The following WWC1 variants were observed in gnomAD, a reference collection of about 807,000 sequenced individuals.
The protein encoded by WWC1 is WW and C2 domain containing 1.
A neutral mutation model predicts 138.4 loss-of-function variants in WWC1; 55 were observed. The observed-to-expected ratio is 0.40, with a 90% CI of 0.32 to 0.50. WWC1 has a LOEUF of 0.50. Among genes scored for constraint, WWC1 ranks in the 20% least tolerant of loss-of-function variants. WWC1 has a pLI of 0.72. For synonymous variants in WWC1, 524 were observed against 564.9 expected (o/e 0.93, Z 1.03); for missense variants, 1,226 against 1,420.4 (o/e 0.86, Z 2.20).
chr5:168,307,339 A>G (rs1581872303), intron 1 of WWC1, among the ~76,000 whole-genome samples: 1 of 152,280 alleles, frequency 6.6e-6, no homozygotes, highest in East Asian at 1.9e-4. Context: ...GCAACCCCGA[A>G]CTAGTCCTGG....
intron 1 of WWC1, among the ~76,000 whole-genome samples, chr5:168,329,461 T>C (rs1372501578): frequency 5.9e-5 from 9 of 151,844 alleles, no homozygotes; most frequent in Admixed American, 4.6e-4. Context: ...TCTTAACCAG[T>C]GTAAATGTTT....
At chr5:168,463,368 G>T (rs1756983629) in intron 20 of WWC1, among the ~76,000 whole-genome samples, 1 of 152,156 alleles carries the variant, frequency 6.6e-6, no homozygotes, top group Non-Finnish European at 1.5e-5. Flanking sequence ...TGTCAGCTGG[G>T]GGTTTAGGGG....
At chr5:168,373,719 TAAAAAAAAAAAA>T (rs368930085) in intron 2 of WWC1, among the ~76,000 whole-genome samples, 6,749 of 52,746 alleles carry the variant, frequency 0.13, 447 homozygotes, top group Non-Finnish European at 0.18. Context: ...CCTTGTCTCT[TAAAAAAAAAAAA>T]AAAAAAAAAA....
chr5:168,401,548 TC>T (rs1422470912), intron 5 of WWC1, among the ~76,000 whole-genome samples: 2 of 152,206 alleles, frequency 1.3e-5, no homozygotes, highest in Non-Finnish European at 2.9e-5. Flanking sequence ...TGGTTCTTTT[TC>T]ACGTCTTCCC....
intron 19 of WWC1, among the ~76,000 whole-genome samples, chr5:168,457,310 C>T (rs1756426609): frequency 6.6e-6 from 1 of 152,102 alleles, no homozygotes; most frequent in Non-Finnish European, 1.5e-5. Context: ...TCCTCTAAAA[C>T]TCTGCAGGCA....
chr5:168,436,381 T>C lies in WWC1; in HGVS notation c.2280+4937T>C, dbSNP rs192361357. 5.9e-5 allele frequency among the ~76,000 whole-genome samples: 9 copies of C among 152,246 alleles called. No individual in the cohort carries two copies. In the East Asian group the frequency reaches 1.5e-3, roughly 26 times the overall value. On this transcript the variant is annotated intron_variant, in intron 15 of 22. Transcript: ENST00000265293. ...TCTCCTTTGCTGATTCTTCCTCATT[T>C]CCCTGACCTCCCTATATCAGAGGGC... is the stretch of plus-strand genomic sequence containing the variant.
chr5:168,382,089 T>C (rs972225246), intron 2 of WWC1, among the ~76,000 whole-genome samples: 6 of 152,088 alleles, frequency 3.9e-5, no homozygotes, highest in Non-Finnish European at 7.4e-5. Flanking sequence ...GCAAAAGAAC[T>C]GAAAACAATT....
intron 2 of WWC1, among the ~76,000 whole-genome samples, chr5:168,376,946 G>A (rs187598445): frequency 2.0e-5 from 3 of 152,132 alleles, no homozygotes; most frequent in South Asian, 2.1e-4. Flanking sequence ...AATTCATTTC[G>A]AGCCAGAAAA....
intron 2 of WWC1, among the ~76,000 whole-genome samples, chr5:168,382,695 T>G (rs13163537): frequency 0.14 from 21,160 of 152,144 alleles, 1,801 homozygotes; most frequent in South Asian, 0.38. Flanking sequence ...TCCGCCTTGT[T>G]TTTTTGTTTT....
chr5:168,434,332 G>T (rs796625848), intron 15 of WWC1, among the ~76,000 whole-genome samples: 24 of 150,108 alleles, frequency 1.6e-4, no homozygotes, highest in African/African-American at 5.9e-4. Flanking sequence ...TCGTATTCTG[G>T]TGGCTGGAGG....
chr5:168,399,886 G>T (rs1055424818), intron 5 of WWC1, among the ~76,000 whole-genome samples: 5 of 152,150 alleles, frequency 3.3e-5, no homozygotes, highest in African/African-American at 1.2e-4. Flanking sequence ...CAGCATTTCT[G>T]TGCACACGCC....
intron 9 of WWC1, 46 bp downstream of exon 9, chr5:168,414,636 A>C (rs1780464910): frequency 1.3e-6 from 2 of 1,511,888 alleles, no homozygotes; most frequent in South Asian, 1.3e-5. Flanking sequence ...TCTCACTGGC[A>C]GTCTGTCCTC....
intron 1 of WWC1, among the ~76,000 whole-genome samples, chr5:168,339,991 C>G (rs59821781): frequency 4.6e-5 from 6 of 130,802 alleles, no homozygotes; most frequent in Admixed American, 2.4e-4. Context: ...CTCTTTCTCT[C>G]TCTCTCTTTC....
intron 9 of WWC1, chr5:168,415,558 T>C (rs1780542555): frequency 6.6e-6 from 1 of 152,062 alleles, no homozygotes; most frequent in Non-Finnish European, 1.5e-5. Flanking sequence ...TCATGTTCAT[T>C]TATTCATTCT....
chr5:168,423,146 C>A (rs528606969), intron 10 of WWC1, among the ~76,000 whole-genome samples: 255 of 89,014 alleles, frequency 2.9e-3, no homozygotes, highest in African/African-American at 0.011. Flanking sequence ...CTCCATCCCC[C>A]CCCAAAAAAA....
intron 2 of WWC1, among the ~76,000 whole-genome samples, chr5:168,378,046 T>C (rs1020268696): frequency 1.3e-5 from 2 of 152,158 alleles, no homozygotes; most frequent in East Asian, 1.9e-4. Context: ...CAGCAGTGGA[T>C]TGAATAAAGC....
chr5:168,367,474 G>GGCGCCCGCCACT (rs1325932595), intron 1 of WWC1, among the ~76,000 whole-genome samples: 1 of 150,244 alleles, frequency 6.7e-6, no homozygotes, highest in Non-Finnish European at 1.5e-5. Flanking sequence ...TGGGACTACA[G>GGCGCCCGCCACT]GCGCCCGCCA....
intron 8 of WWC1, among the ~76,000 whole-genome samples, chr5:168,410,457 CA>C (rs1389370346): frequency 6.6e-6 from 1 of 152,252 alleles, no homozygotes; most frequent in East Asian, 1.9e-4. Context: ...TCTGTGGCTT[CA>C]CAGAATCCTA....
chr5:168,339,504 G>A (rs1773792076), intron 1 of WWC1, among the ~76,000 whole-genome samples: 3 of 152,132 alleles, frequency 2.0e-5, no homozygotes, highest in Non-Finnish European at 2.9e-5. Context: ...GTGGTGGCTC[G>A]GGCAAGGGTG....
Sources: allele counts gnomAD v4.1 joint callset (sites outside exome capture counted in the v4.1 genomes callset), GRCh38; gene constraint gnomAD v4.1.1; transcripts MANE v1.5; gene names NCBI Gene and HGNC (gene_info 2026-07-23, HGNC 2026-07-21).